The following MAD1L1 variants were observed in gnomAD, a reference collection of about 807,000 sequenced individuals.
The protein encoded by MAD1L1 is mitotic arrest deficient 1 like 1.
A neutral mutation model predicts 96.9 loss-of-function variants in MAD1L1; 95 were observed. The ratio of observed to expected loss-of-function variants is 0.98; its 90% CI spans 0.83 to 1.16. MAD1L1 has a LOEUF of 1.16. Ranked by LOEUF, MAD1L1 falls within the 50% of genes most tolerant of loss-of-function variation. The pLI, the probability that MAD1L1 is intolerant of heterozygous loss-of-function variation, is 0.00. For synonymous variants in MAD1L1, 473 were observed against 396.6 expected (o/e 1.19, Z -2.29); for missense variants, 1,007 against 954.4 (o/e 1.06, Z -0.73).
At chr7:1,921,191 G>A (rs1386191924) in intron 17 of MAD1L1, among the ~76,000 whole-genome samples, 2 of 152,206 alleles carry the variant, frequency 1.3e-5, no homozygotes, top group Non-Finnish European at 2.9e-5. Flanking sequence ...GCCCTGAGGC[G>A]CCCTTCCCTG....
intron 17 of MAD1L1, among the ~76,000 whole-genome samples, chr7:1,925,378 G>A (rs1270615692): frequency 6.6e-6 from 1 of 152,198 alleles, no homozygotes; most frequent in Non-Finnish European, 1.5e-5. Context: ...TCTATTGGCG[G>A]CGCTATCACA....
chr7:1,850,820 C>CA (rs1332096629), intron 18 of MAD1L1, among the ~76,000 whole-genome samples: 1 of 152,198 alleles, frequency 6.6e-6, no homozygotes, highest in African/African-American at 2.4e-5. Flanking sequence ...AGACCGTGCA[C>CA]AGAGCAGCCT....
chr7:2,183,877 A>C (rs1791325514), intron 10 of MAD1L1, among the ~76,000 whole-genome samples: 1 of 152,096 alleles, frequency 6.6e-6, no homozygotes, highest in Non-Finnish European at 1.5e-5. Flanking sequence ...CGTTGTGCAC[A>C]TGTACCCTAA....
rs199697246 is a variant in MAD1L1 at position 2,155,510 on chromosome 7, C to CT, written c.987-6273dup. ...CCAGCCCCAGCCACCTCCATACTAC[C>CT]TTCCGTCTCTAAGAATGCGACCACT... On this transcript the variant is annotated intron_variant, in intron 10 of 18. Transcript: ENST00000265854. Among the ~76,000 whole-genome samples the CT allele has an allele frequency of 1.6e-3, 248 of 152,296 alleles. 3 individuals are homozygous for CT. In the East Asian group the frequency reaches 0.043, roughly 27 times the overall value.
At chr7:1,838,745 T>C (rs1472125199) in intron 18 of MAD1L1, 7 of 471,066 alleles carry the variant, frequency 1.5e-5, no homozygotes, top group East Asian at 6.9e-5. Context: ...ACTGTGATGA[T>C]GGCTGCACGC....
intron 12 of MAD1L1, 28 bp downstream of exon 12, chr7:2,069,166 C>T: frequency 6.5e-7 from 1 of 1,543,186 alleles, no homozygotes; most frequent in Non-Finnish European, 8.7e-7. Context: ...CCCTGCGACT[C>T]TGATCAAGAT....
chr7:2,082,281 G>C (rs933188637), intron 11 of MAD1L1, among the ~76,000 whole-genome samples: 2 of 152,052 alleles, frequency 1.3e-5, no homozygotes, highest in African/African-American at 4.8e-5. Flanking sequence ...AGGGAGGGAA[G>C]GGAAGGAGAG....
At chr7:2,156,290 G>A (rs1336080021) in intron 10 of MAD1L1, among the ~76,000 whole-genome samples, 2 of 152,160 alleles carry the variant, frequency 1.3e-5, no homozygotes, top group Admixed American at 6.5e-5. Flanking sequence ...ATGGTTTCAC[G>A]GCGCGTGTGG....
chr7:1,919,435 G>A (rs1395975057), intron 17 of MAD1L1, among the ~76,000 whole-genome samples: 1 of 152,248 alleles, frequency 6.6e-6, no homozygotes, highest in East Asian at 1.9e-4. Flanking sequence ...AGGCAGAACT[G>A]TAAAGCCAAG....
At chr7:2,079,221 G>A (rs1562666270) in intron 11 of MAD1L1, among the ~76,000 whole-genome samples, 1 of 152,180 alleles carries the variant, frequency 6.6e-6, no homozygotes, top group Non-Finnish European at 1.5e-5. Flanking sequence ...TGGGGGGCAG[G>A]TTCAGACTCG....
At chr7:1,866,610 G>A (rs1463253419) in intron 18 of MAD1L1, among the ~76,000 whole-genome samples, 1 of 152,226 alleles carries the variant, frequency 6.6e-6, no homozygotes, top group African/African-American at 2.4e-5. Context: ...GCCACGGGAG[G>A]CTGCGGACAG....
At chr7:2,213,081 G>A (rs1208172022) in intron 10 of MAD1L1, 131 bp downstream of exon 10, 14 of 910,460 alleles carry the variant, frequency 1.5e-5, no homozygotes, top group Non-Finnish European at 8.6e-6. Flanking sequence ...GAGCAGCCCA[G>A]GACAAATGCC....
chr7:2,033,229 T>G (rs1019037861), intron 12 of MAD1L1, among the ~76,000 whole-genome samples: 11 of 152,168 alleles, frequency 7.2e-5, no homozygotes, highest in African/African-American at 2.7e-4. Flanking sequence ...GTGCTGCAGG[T>G]GTGAGTAACG....
At chr7:2,000,570 G>A (rs1781748182) in intron 14 of MAD1L1, among the ~76,000 whole-genome samples, 1 of 152,182 alleles carries the variant, frequency 6.6e-6, no homozygotes, top group Admixed American at 6.5e-5. Flanking sequence ...CCCCAGGCTT[G>A]GCTCAGGACG....
At chr7:1,829,000 G>A (rs934699284) in intron 18 of MAD1L1, among the ~76,000 whole-genome samples, 4 of 152,138 alleles carry the variant, frequency 2.6e-5, no homozygotes, top group African/African-American at 9.7e-5. Context: ...ATACAACCAC[G>A]GAAACCGTCC....
chr7:1,912,876 T>TGGC (rs1215436434), intron 17 of MAD1L1, among the ~76,000 whole-genome samples: 2 of 151,978 alleles, frequency 1.3e-5, no homozygotes, highest in Non-Finnish European at 2.9e-5. Flanking sequence ...AGGCCTGGGG[T>TGGC]GGCGGCGGCG....
chr7:2,209,414 C>G (rs1792777073), intron 10 of MAD1L1, among the ~76,000 whole-genome samples: 2 of 152,318 alleles, frequency 1.3e-5, no homozygotes, highest in African/African-American at 4.8e-5. Context: ...GCCAGGAGCT[C>G]ACAGCCCAGA....
chr7:1,941,461 T>A (rs1347548375), intron 16 of MAD1L1, among the ~76,000 whole-genome samples: 1 of 152,228 alleles, frequency 6.6e-6, no homozygotes, highest in Non-Finnish European at 1.5e-5. Context: ...AGAGAAAAGA[T>A]AAAACTGAGA....
intron 18 of MAD1L1, among the ~76,000 whole-genome samples, chr7:1,857,018 A>G (rs575424810): frequency 5.5e-4 from 84 of 152,040 alleles, no homozygotes; most frequent in African/African-American, 1.9e-3. Context: ...CCTCCTGCCA[A>G]CCCTCCAGCA....
Sources: allele counts gnomAD v4.1 joint callset (sites outside exome capture counted in the v4.1 genomes callset), GRCh38; gene constraint gnomAD v4.1.1; transcripts MANE v1.5; gene names NCBI Gene and HGNC (gene_info 2026-07-23, HGNC 2026-07-21).